The following BTBD9 variants were observed in gnomAD, a reference collection of about 807,000 sequenced individuals.
The protein encoded by BTBD9 is BTB/POZ domain-containing protein 9.
BTBD9 carries 49 observed loss-of-function variants against 64.3 expected under a neutral mutation model. The observed-to-expected ratio is 0.76, with a 90% CI of 0.61 to 0.97. The LOEUF (loss-of-function observed/expected upper bound fraction) is 0.97, where lower values mean the gene tolerates loss of function less well. Ranked by LOEUF, BTBD9 falls within the 50% of genes least tolerant of loss-of-function variation. BTBD9 has a pLI of 0.00. For missense variants in BTBD9, 598 were observed against 762.1 expected (o/e 0.78, Z 2.53); for synonymous variants, 260 against 274.7 (o/e 0.95, Z 0.53).
chr6:38,374,281 AAGTATATATATATATGTATATATAT>A lies in BTBD9; in HGVS notation c.1155-29213_1155-29189del, dbSNP rs1474199650. 4.3e-4 allele frequency among the ~76,000 whole-genome samples: 39 copies of A among 91,450 alleles called. 3 individuals are homozygous for A. In the South Asian group the frequency reaches 5.4e-3, roughly 13 times the overall value. 60.0% of individuals were successfully genotyped at this position (91,450 alleles called of 152,430 possible). On this transcript the variant is annotated intron_variant, in intron 6 of 10. Transcript: ENST00000481247. The stretch of plus-strand genomic sequence containing the variant: ...GAGGCCTTGTGTCGAAAAAAAAAAA[AAGTATATATATATATGTATATATAT>A]GTATATATATATATATATATGTATA...
chr6:38,580,519 C>T (rs1259406115), intron 4 of BTBD9, 82 bp from the exon 5 acceptor site: 1 of 1,170,152 alleles, frequency 8.5e-7, no homozygotes, highest in African/African-American at 1.5e-5. Context: ...TTCTAGCATT[C>T]CAGTTTATTC....
intron 9 of BTBD9, among the ~76,000 whole-genome samples, chr6:38,211,652 G>A (rs1032129562): frequency 2.0e-5 from 3 of 151,806 alleles, no homozygotes; most frequent in African/African-American, 4.8e-5. Flanking sequence ...GCGGAGGCAC[G>A]AGACTCGCTT....
chr6:38,271,149 C>G (rs183337111), intron 8 of BTBD9, among the ~76,000 whole-genome samples: 1 of 152,222 alleles, frequency 6.6e-6, no homozygotes, highest in East Asian at 1.9e-4. Context: ...AGCAGAATCT[C>G]TTTTACAAAC....
chr6:38,387,633 G>A (rs1295982047), intron 6 of BTBD9, among the ~76,000 whole-genome samples: 1 of 152,212 alleles, frequency 6.6e-6, no homozygotes, highest in Non-Finnish European at 1.5e-5. Context: ...TGATTCAGCA[G>A]TTGGTATCTA....
intron 9 of BTBD9, among the ~76,000 whole-genome samples, chr6:38,229,560 T>C (rs543244154): frequency 7.9e-5 from 12 of 152,170 alleles, no homozygotes; most frequent in South Asian, 2.1e-4. Flanking sequence ...CAGAGCACAA[T>C]AGGAAGGTCA....
chr6:38,252,969 C>T (rs535500783), intron 9 of BTBD9, among the ~76,000 whole-genome samples: 1 of 152,248 alleles, frequency 6.6e-6, no homozygotes, highest in African/African-American at 2.4e-5. Context: ...CAAAAATTAG[C>T]TTGGCGCAGT....
intron 2 of BTBD9, chr6:38,595,902 C>T: frequency 1.0e-6 from 1 of 985,356 alleles, no homozygotes; most frequent in Non-Finnish European, 1.2e-6. Context: ...AGACTTATCC[C>T]CAATCCTGTA....
intron 6 of BTBD9, among the ~76,000 whole-genome samples, chr6:38,384,361 G>T (rs1766064319): frequency 6.6e-6 from 1 of 152,134 alleles, no homozygotes; most frequent in African/African-American, 2.4e-5. Flanking sequence ...TTTACCTGAT[G>T]AAGAATTCAA....
intron 6 of BTBD9, among the ~76,000 whole-genome samples, chr6:38,527,164 T>C (rs1367041021): frequency 7.0e-6 from 1 of 143,242 alleles, no homozygotes; most frequent in Non-Finnish European, 1.5e-5. Context: ...TAATCCCAGC[T>C]ACCTGGGAGG....
At position 38,168,538 on chromosome 6, in the gene BTBD9, A is replaced by G. The variant is rs971242050; in HGVS notation, c.*6447T>C. ...GGGGTTTCGAACACACGGTTTGTAC[A>G]TCTGCCCGCTTAGGTTGCTCTGCAA... On this transcript the variant is annotated 3_prime_UTR_variant, in exon 11 of 11. Transcript: ENST00000481247. 6.6e-5 allele frequency: 10 copies of G among 152,310 alleles called. No individual in the cohort carries two copies. The highest frequency in any genetic ancestry group is 1.9e-4 in the East Asian group (1 of 5,202). The allele number at this position is 152,310 out of a possible 1,614,324, so 9.4% of individuals were successfully genotyped here.
chr6:38,589,489 T>C (rs1296927813), intron 4 of BTBD9, among the ~76,000 whole-genome samples: 1 of 152,158 alleles, frequency 6.6e-6, no homozygotes, highest in Non-Finnish European at 1.5e-5. Flanking sequence ...CTAACACTAA[T>C]TACTCATCTT....
At chr6:38,210,610 G>GA (rs1185810836) in intron 9 of BTBD9, among the ~76,000 whole-genome samples, 1 of 151,500 alleles carries the variant, frequency 6.6e-6, no homozygotes, top group Non-Finnish European at 1.5e-5. Context: ...GTGTAGTACA[G>GA]AAAGAGGAGA....
intron 1 of BTBD9, among the ~76,000 whole-genome samples, chr6:38,598,404 G>T (rs1484159191): frequency 6.6e-6 from 1 of 151,978 alleles, no homozygotes; most frequent in Non-Finnish European, 1.5e-5. Flanking sequence ...CCCAAACACA[G>T]GTCTCATATT....
At chr6:38,266,618 GAAAGAAAGAAAGA>G (rs1764994773) in intron 8 of BTBD9, among the ~76,000 whole-genome samples, 10 of 16,074 alleles carry the variant, frequency 6.2e-4, no homozygotes, top group South Asian at 1.8e-3. Flanking sequence ...AAGAAAGAAA[GAAAGAAAGAAAGA>G]AAGAAAGAAA....
At chr6:38,277,036 C>CTA (rs1218706558) in intron 8 of BTBD9, among the ~76,000 whole-genome samples, 3 of 152,156 alleles carry the variant, frequency 2.0e-5, no homozygotes, top group South Asian at 4.1e-4. Flanking sequence ...ATATGGTAAA[C>CTA]TATAGTTAAC....
At chr6:38,177,171 C>G (rs921376202) in intron 10 of BTBD9, among the ~76,000 whole-genome samples, 1 of 152,156 alleles carries the variant, frequency 6.6e-6, no homozygotes, top group Admixed American at 6.5e-5. Flanking sequence ...TCAATATCTC[C>G]GGAGGCCGCT....
chr6:38,319,654 G>T (rs1263880375), intron 7 of BTBD9, among the ~76,000 whole-genome samples: 4 of 151,770 alleles, frequency 2.6e-5, no homozygotes. Flanking sequence ...GGATGAGCTG[G>T]TATTCAAGGT....
chr6:38,463,343 CCTTT>C (rs1177822856), intron 6 of BTBD9, among the ~76,000 whole-genome samples: 2 of 152,220 alleles, frequency 1.3e-5, no homozygotes, highest in Non-Finnish European at 2.9e-5. Context: ...TTCACTTCTT[CCTTT>C]CTAATTTGGA....
intron 6 of BTBD9, among the ~76,000 whole-genome samples, 173 bp from the exon 7 acceptor site, chr6:38,345,266 T>C (rs1002407072): frequency 6.6e-6 from 1 of 152,220 alleles, no homozygotes; most frequent in Non-Finnish European, 1.5e-5. Context: ...TAGCTCCAAT[T>C]GAACCTAGAA....
Sources: gnomAD v4.1 joint callset for allele counts (sites outside exome capture counted in the v4.1 genomes callset) on GRCh38, gnomAD v4.1.1 for gene constraint, MANE v1.5 for transcripts, NCBI Gene and HGNC (gene_info 2026-07-23, HGNC 2026-07-21) for gene names.